SLC2A13: variants seen among roughly 807,000 people sequenced by gnomAD.
The protein encoded by SLC2A13 is solute carrier family 2 member 13, also known as proton myo-inositol cotransporter.
SLC2A13 carries 32 observed loss-of-function variants against 64.4 expected under a neutral mutation model. The observed-to-expected ratio is 0.50, with a 90% CI of 0.37 to 0.67. The LOEUF is 0.67. Among genes scored for constraint, SLC2A13 ranks in the 30% least tolerant of loss-of-function variants. SLC2A13 has a pLI of 0.00. For missense variants in SLC2A13, 743 were observed against 829.2 expected, an observed-to-expected ratio of 0.90 and a Z score of 1.28; for synonymous variants, 338 against 327.1, an observed-to-expected ratio of 1.03 and a Z score of -0.36.
intron 4 of SLC2A13, among the ~76,000 whole-genome samples, chr12:39,881,369 G>T (rs1367983500): frequency 6.6e-6 from 1 of 152,000 alleles, no homozygotes; most frequent in Admixed American, 6.6e-5. Context: ...TGGATATGAT[G>T]AATTATTGTA....
chr12:40,023,609 G>C (rs1280296899), intron 3 of SLC2A13, among the ~76,000 whole-genome samples: 1 of 152,178 alleles, frequency 6.6e-6, no homozygotes, highest in Non-Finnish European at 1.5e-5. Flanking sequence ...TTTGTCATGA[G>C]AGACAATTTT....
At chr12:40,067,948 G>C (rs754238222) in intron 1 of SLC2A13, among the ~76,000 whole-genome samples, 7 of 152,046 alleles carry the variant, frequency 4.6e-5, no homozygotes, top group Non-Finnish European at 1.0e-4. Flanking sequence ...CTGTCACCGA[G>C]GCTGGTGCAC....
At chr12:39,947,953 C>T (rs1946167230) in intron 4 of SLC2A13, among the ~76,000 whole-genome samples, 1 of 152,120 alleles carries the variant, frequency 6.6e-6, no homozygotes, top group Non-Finnish European at 1.5e-5. Flanking sequence ...AGCCACCGCG[C>T]CTGGCCGAGA....
chr12:39,786,032 T>C (rs1413965396), intron 7 of SLC2A13, among the ~76,000 whole-genome samples: 2 of 152,078 alleles, frequency 1.3e-5, no homozygotes, highest in Non-Finnish European at 2.9e-5. Context: ...GACTTTTGAG[T>C]TAATGCTGAA....
chr12:39,978,627 C>G (rs1231658017), intron 3 of SLC2A13, among the ~76,000 whole-genome samples: 1 of 152,158 alleles, frequency 6.6e-6, no homozygotes, highest in African/African-American at 2.4e-5. Context: ...GCTTAAAAAA[C>G]GGCGCACCAC....
intron 4 of SLC2A13, among the ~76,000 whole-genome samples, chr12:39,872,761 A>G (rs561349430): frequency 2.6e-5 from 4 of 152,324 alleles, no homozygotes; most frequent in Admixed American, 1.3e-4. Context: ...TTTAAAGTTA[A>G]CCTGAAAACA....
intron 3 of SLC2A13, among the ~76,000 whole-genome samples, chr12:40,020,241 T>A (rs1453330373): frequency 6.6e-6 from 1 of 152,208 alleles, no homozygotes; most frequent in Non-Finnish European, 1.5e-5. Flanking sequence ...TTTGGCTCTG[T>A]GTCTCCACCC....
chr12:39,817,570 C>G (rs182432874), intron 7 of SLC2A13, among the ~76,000 whole-genome samples: 1 of 152,194 alleles, frequency 6.6e-6, no homozygotes, highest in South Asian at 2.1e-4. Flanking sequence ...CTGATGGCAG[C>G]TAAGGGGGTT....
intron 1 of SLC2A13, among the ~76,000 whole-genome samples, chr12:40,061,329 T>A (rs1476629294): frequency 6.6e-6 from 1 of 151,936 alleles, no homozygotes; most frequent in Non-Finnish European, 1.5e-5. Context: ...GAAACATAAC[T>A]TAAAATGATA....
intron 3 of SLC2A13, among the ~76,000 whole-genome samples, chr12:40,012,786 C>T (rs144850116): frequency 3.3e-4 from 50 of 152,228 alleles, no homozygotes; most frequent in Admixed American, 1.1e-3. Context: ...AACAGCATAT[C>T]GCAAACTTCC....
intron 6 of SLC2A13, among the ~76,000 whole-genome samples, chr12:39,845,810 AG>A (rs1201310282): frequency 6.6e-6 from 1 of 152,108 alleles, no homozygotes; most frequent in Non-Finnish European, 1.5e-5. Flanking sequence ...GAATTAGGGA[AG>A]TGGTGTTGGG....
intron 3 of SLC2A13, among the ~76,000 whole-genome samples, chr12:39,956,040 C>T (rs938575880): frequency 6.6e-6 from 1 of 152,140 alleles, no homozygotes; most frequent in South Asian, 2.1e-4. Flanking sequence ...TGACCAATAT[C>T]AGGAGTAAAT....
chr12:40,056,231 C>A (rs1948331475), intron 1 of SLC2A13, among the ~76,000 whole-genome samples: 2 of 150,728 alleles, frequency 1.3e-5, no homozygotes, highest in Non-Finnish European at 2.9e-5. Flanking sequence ...GAAATAAGTT[C>A]TGCTTTTTGG....
chr12:39,794,123 C>CA lies in SLC2A13; in HGVS notation c.1446-29266dup, dbSNP rs36179669. 2.6e-3 allele frequency among the ~76,000 whole-genome samples: 205 copies of CA among 78,346 alleles called. 7 individuals are homozygous for CA. Among genetic ancestry groups the CA allele is most frequent in the African/African-American group, 9.8e-3 (192 of 19,530 alleles). The allele number at this position is 78,346 out of a possible 152,430, so 51.4% of individuals were successfully genotyped here. Reference sequence around the variant, plus strand: ...GTATGGCCTGGAATGGGCCAAATTGCAAAAAAAAAAAAAAAAAAAAAAAAA... The same window carrying CA: ...GTATGGCCTGGAATGGGCCAAATTGCAAAAAAAAAAAAAAAAAAAAAAAAAA... On this transcript the variant is annotated intron_variant, in intron 7 of 9. Coordinates refer to ENST00000280871, the MANE Select transcript of SLC2A13 (RefSeq NM_052885.4).
At chr12:39,844,304 T>C (rs953841902) in intron 6 of SLC2A13, among the ~76,000 whole-genome samples, 1 of 152,062 alleles carries the variant, frequency 6.6e-6, no homozygotes, top group African/African-American at 2.4e-5. Context: ...CTTCACAGTT[T>C]AGGGTCATAG....
intron 6 of SLC2A13, among the ~76,000 whole-genome samples, chr12:39,860,156 G>C (rs1485952262): frequency 6.6e-6 from 1 of 152,188 alleles, no homozygotes; most frequent in African/African-American, 2.4e-5. Context: ...CTAAAGAATA[G>C]GTGGTTAGTC....
At chr12:39,905,800 T>C (rs1019316333) in intron 4 of SLC2A13, among the ~76,000 whole-genome samples, 6 of 142,340 alleles carry the variant, frequency 4.2e-5, no homozygotes, top group Non-Finnish European at 6.0e-5. Flanking sequence ...CAAAAGGTAC[T>C]AGGCCTTTAT....
In SLC2A13 at chr12:39,767,315, T is replaced by TTC. The variant is rs1555233453; in HGVS notation, c.1446-2458_1446-2457insGA. Among the ~76,000 whole-genome samples, 22 of 151,376 alleles carry TTC rather than the reference T, an allele frequency of 1.5e-4. No homozygotes were observed. In the South Asian group the frequency reaches 4.6e-3, roughly 32 times the overall value. On this transcript the variant is annotated intron_variant, in intron 7 of 9. Coordinates refer to ENST00000280871, the MANE Select transcript of SLC2A13 (RefSeq NM_052885.4). Reference sequence around the variant, plus strand: ...TTTGAAAGGAATCTTTTTTTTCTTTTCCTGAGCAGTAGGTCTCCATAGTGG... The same window carrying TTC: ...TTTGAAAGGAATCTTTTTTTTCTTTTTCCCTGAGCAGTAGGTCTCCATAGTGG...
At chr12:39,984,226 G>A (rs1313266022) in intron 3 of SLC2A13, among the ~76,000 whole-genome samples, 1 of 151,904 alleles carries the variant, frequency 6.6e-6, no homozygotes, top group South Asian at 2.1e-4. Context: ...TATACCTAAT[G>A]CTAGATGACG....
Sources: gnomAD v4.1 joint callset for allele counts (sites outside exome capture counted in the v4.1 genomes callset) on GRCh38, gnomAD v4.1.1 for gene constraint, MANE v1.5 for transcripts, NCBI Gene and HGNC (gene_info 2026-07-23, HGNC 2026-07-21) for gene names.